LRIG2: variants seen among roughly 807,000 people sequenced by gnomAD.
LRIG2 encodes the protein leucine-rich repeats and immunoglobulin-like domains protein 2.
A neutral mutation model predicts 107.8 loss-of-function variants in LRIG2; 93 were observed. The observed-to-expected ratio is 0.86, with a 90% CI of 0.73 to 1.03. LRIG2 has a LOEUF of 1.03. LRIG2 is among the 50% of genes least tolerant of loss of function. LRIG2 has a pLI of 0.00. For synonymous variants in LRIG2, 471 were observed against 470.6 expected, an observed-to-expected ratio of 1.00 and a Z score of -0.01; for missense variants, 1,226 against 1,296.0, an observed-to-expected ratio of 0.95 and a Z score of 0.83.
intron 17 of LRIG2, among the ~76,000 whole-genome samples, chr1:113,120,412 C>T (rs1336095996): frequency 6.6e-6 from 1 of 151,726 alleles, no homozygotes. Context: ...CGTGCCACTG[C>T]ACTCCAGCCT....
In LRIG2 at chr1:113,107,798, A is replaced by G. The variant is rs1654601451; in HGVS notation, c.1477+41A>G. On this transcript the variant is annotated intron_variant, in intron 12 of 17. Coordinates refer to ENST00000361127, the MANE Select transcript of LRIG2 (RefSeq NM_014813.3). Reference sequence around the variant, plus strand: ...TTAAAATTTTATATATTACACACTTATAATCTTAACAGAATTAAAAAAATT... The same window carrying G: ...TTAAAATTTTATATATTACACACTTGTAATCTTAACAGAATTAAAAAAATT... The G allele has an allele frequency of 3.3e-6, 5 of 1,515,346 alleles. No homozygotes were observed. In the Admixed American group the frequency reaches 8.1e-5, roughly 25 times the overall value. 93.9% of individuals were successfully genotyped at this position (1,515,346 alleles called of 1,614,324 possible). A position where few individuals can be genotyped will look rare whatever the true frequency, so the allele number is the denominator to read the frequency against.
At chr1:113,113,467 TA>T (rs1247673641) in intron 14 of LRIG2, among the ~76,000 whole-genome samples, 3 of 147,970 alleles carry the variant, frequency 2.0e-5, no homozygotes, top group Non-Finnish European at 4.5e-5. Flanking sequence ...TTATTATTAT[TA>T]TTTTTTTTAA....
rs572864261 is a variant in LRIG2 at position 113,075,234 on chromosome 1, T to TA, written c.239+1596dup. 1.8e-4 allele frequency among the ~76,000 whole-genome samples: 28 copies of TA among 151,620 alleles called. No individual in the cohort carries two copies. In the South Asian group the frequency reaches 5.4e-3, roughly 29 times the overall value. On this transcript the variant is annotated intron_variant, in intron 1 of 17. Transcript: ENST00000361127. ...TCTCAAAAAAAAAAAGAGTCATCACTAAAAAAATAGGTTGAAGTGCAATTA... is the reference window on the plus strand; with the variant it reads ...TCTCAAAAAAAAAAAGAGTCATCACTAAAAAAAATAGGTTGAAGTGCAATTA...
rs1653818961 is a variant in LRIG2 at position 113,091,403 on chromosome 1, T to G, written c.305+20T>G. 1 of 1,502,898 alleles carries G rather than the reference T, an allele frequency of 6.7e-7. No individual in the cohort carries two copies. Among genetic ancestry groups the G allele is most frequent in the Non-Finnish European group, 9.1e-7 (1 of 1,093,820 alleles). 93.1% of individuals were successfully genotyped at this position (1,502,898 alleles called of 1,614,324 possible). On this transcript the variant is annotated intron_variant, in intron 2 of 17. Transcript: ENST00000361127. ...GGAAGTGTAAGTTATTTTTATTTAT[T>G]TAAAGTTATGTTAAATTCCTGAGGG...
intron 1 of LRIG2, among the ~76,000 whole-genome samples, chr1:113,079,435 AGCACTTTGGGAG>A (rs1653153338): frequency 6.6e-6 from 1 of 151,738 alleles, no homozygotes; most frequent in Non-Finnish European, 1.5e-5. Flanking sequence ...CTGTAATCCC[AGCACTTTGGGAG>A]GCAGAGGCGG....
At chr1:113,119,954 C>T (rs1159364286) in intron 17 of LRIG2, among the ~76,000 whole-genome samples, 1 of 151,816 alleles carries the variant, frequency 6.6e-6, no homozygotes, top group Non-Finnish European at 1.5e-5. Flanking sequence ...GGACTACAGG[C>T]GTGCACCACC....
rs1653812561 is a variant in LRIG2, at chr1:113,091,310, T to G, written c.240-8T>G. The stretch of plus-strand genomic sequence containing the variant: ...CTAAACTAAGAATGATATTTTGTCC[T>G]CTTTCAGGGATTTCAGTCATAATCG... On this transcript the variant is annotated splice_polypyrimidine_tract_variant and splice_region_variant and intron_variant, in intron 1 of 17. Coordinates refer to ENST00000361127, the MANE Select transcript of LRIG2 (RefSeq NM_014813.3). 1 of 1,582,572 alleles carries G rather than the reference T, an allele frequency of 6.3e-7. No individual in the cohort carries two copies. The highest frequency in any genetic ancestry group is 2.3e-5 in the East Asian group (1 of 44,368).
chr1:113,088,899 A>G (rs753004770), intron 1 of LRIG2, among the ~76,000 whole-genome samples: 6 of 152,216 alleles, frequency 3.9e-5, no homozygotes, highest in Non-Finnish European at 7.4e-5. Context: ...TGTGTAGTGA[A>G]TTCATATTTT....
At chr1:113,115,762 G>A (rs779681001) in intron 15 of LRIG2, among the ~76,000 whole-genome samples, 21 of 152,080 alleles carry the variant, frequency 1.4e-4, no homozygotes, top group Admixed American at 5.9e-4. Context: ...TTTTGACCTC[G>A]TGATCCACCC....
chr1:113,086,683 A>G (rs1653568998), intron 1 of LRIG2, among the ~76,000 whole-genome samples: 1 of 152,284 alleles, frequency 6.6e-6, no homozygotes, highest in Non-Finnish European at 1.5e-5. Flanking sequence ...TTTACCCCTG[A>G]TGGTACTAAA....
chr1:113,123,959 C>T lies in LRIG2; in HGVS notation c.3056C>T (p.Ser1019Leu). The T allele has an allele frequency of 1.2e-6, 2 of 1,614,168 alleles. No individual in the cohort carries two copies. The highest frequency in any genetic ancestry group is 1.1e-5 in the South Asian group (1 of 91,086). ...PPFSQQPVHE[S>L]PQLHQNEGLA... Reference sequence around the variant, plus strand: ...TTTTCCCAGCAGCCAGTCCATGAGTCACCACAACTTCATCAAAATGAGGGC... The same window carrying T: ...TTTTCCCAGCAGCCAGTCCATGAGTTACCACAACTTCATCAAAATGAGGGC... Residue 1019 changes from serine (S) to leucine (L), a missense_variant, in exon 18 of 18, where the codon TCA becomes TTA. By Grantham distance (145) the Ser-to-Leu change is moderately radical. Transcript: ENST00000361127.
At chr1:113,110,610 A>C (rs774857627) in intron 13 of LRIG2, 48 bp downstream of exon 13, 19 of 1,372,092 alleles carry the variant, frequency 1.4e-5, no homozygotes, top group Admixed American at 1.2e-4. Flanking sequence ...AGGATTTTTC[A>C]TGTTCAGTTT....
At chr1:113,089,547 A>G (rs1336710800) in intron 1 of LRIG2, among the ~76,000 whole-genome samples, 1 of 152,166 alleles carries the variant, frequency 6.6e-6, no homozygotes, top group African/African-American at 2.4e-5. Flanking sequence ...GTGTGGATTT[A>G]GCCAGTTAAT....
intron 1 of LRIG2, among the ~76,000 whole-genome samples, chr1:113,074,939 C>T (rs1570715701): frequency 6.7e-6 from 1 of 148,310 alleles, no homozygotes. Flanking sequence ...GAAGAGGGGC[C>T]GGGTGCGGTG....
At position 113,114,720 on chromosome 1, in the gene LRIG2, TC is replaced by T; in HGVS notation, c.2377del (p.Gln793ArgfsTer30). The T allele has an allele frequency of 6.2e-7, 1 of 1,614,190 alleles. No individual in the cohort carries two copies. The highest frequency in any genetic ancestry group is 8.5e-7 in the Non-Finnish European group (1 of 1,180,044). On this transcript the variant is annotated frameshift_variant, in exon 15 of 18. Coordinates refer to ENST00000361127, the MANE Select transcript of LRIG2 (RefSeq NM_014813.3). LOFTEE classifies it high-confidence loss of function. ...CATTTCATCCCCCAATTGTGACTCT[TC>T]CCAGAGTAGCATTGGGCATGAAGAT... is the stretch of plus-strand genomic sequence containing the variant. ...NVISSPNCDS[S>X]QSSIGHEDDG...
At chr1:113,085,960 A>G (rs1231210113) in intron 1 of LRIG2, among the ~76,000 whole-genome samples, 1 of 150,832 alleles carries the variant, frequency 6.6e-6, no homozygotes, top group Non-Finnish European at 1.5e-5. Context: ...TAAGCACGTT[A>G]AATCACAATA....
chr1:113,108,394 T>G (rs1654627888), intron 12 of LRIG2, among the ~76,000 whole-genome samples: 1 of 151,352 alleles, frequency 6.6e-6, no homozygotes, highest in Non-Finnish European at 1.5e-5. Context: ...TGGCTAATTT[T>G]TGTATGTTTA....
chr1:113,080,955 T>C (rs1653252750), intron 1 of LRIG2, among the ~76,000 whole-genome samples: 1 of 149,860 alleles, frequency 6.7e-6, no homozygotes, highest in Non-Finnish European at 1.5e-5. Context: ...GGGATTCTCC[T>C]GCCTCAGCCT....
intron 1 of LRIG2, among the ~76,000 whole-genome samples, chr1:113,086,136 T>C (rs1210642178): frequency 1.3e-5 from 2 of 151,048 alleles, no homozygotes; most frequent in Admixed American, 6.6e-5. Flanking sequence ...TCTGAGTAGC[T>C]GGGATTACAG....
Sources: allele counts gnomAD v4.1 joint callset (sites outside exome capture counted in the v4.1 genomes callset), GRCh38; gene constraint gnomAD v4.1.1; transcripts MANE v1.5; gene names NCBI Gene and HGNC (gene_info 2026-07-23, HGNC 2026-07-21).